TAFA5: variants seen among roughly 807,000 people sequenced by gnomAD.
TAFA5 encodes the protein TAFA chemokine like family member 5.
A neutral mutation model predicts 15.3 loss-of-function variants in TAFA5; 6 were observed. That is an observed-to-expected ratio of 0.39 (90% CI 0.21 to 0.77). TAFA5 has a LOEUF of 0.77. TAFA5 is among the 30% of genes least tolerant of loss of function. The probability of loss-of-function intolerance (pLI) is 0.41; values close to 1 mark genes in which losing one functional copy is unlikely to be tolerated. For missense variants in TAFA5, 161 were observed against 193.1 expected (o/e 0.83, Z 0.98); for synonymous variants, 103 against 80.7 (o/e 1.28, Z -1.48).
chr22:48,632,126 A>G (rs749788262), intron 1 of TAFA5, among the ~76,000 whole-genome samples: 4 of 152,086 alleles, frequency 2.6e-5, no homozygotes, highest in Admixed American at 6.5e-5. Flanking sequence ...GGGAGTTGGG[A>G]GCGGCTGGGG....
intron 1 of TAFA5, among the ~76,000 whole-genome samples, chr22:48,512,268 G>A (rs566299523): frequency 6.6e-6 from 1 of 152,324 alleles, no homozygotes; most frequent in African/African-American, 2.4e-5. Context: ...AGTGCAGAAA[G>A]GAAAGGATCA....
chr22:48,663,818 G>A (rs1013259897), intron 2 of TAFA5, among the ~76,000 whole-genome samples: 2 of 152,144 alleles, frequency 1.3e-5, no homozygotes, highest in African/African-American at 4.8e-5. Flanking sequence ...ACGGACTGTC[G>A]TGGCATCATA....
chr22:48,738,720 T>G (rs1770967896), intron 3 of TAFA5, among the ~76,000 whole-genome samples: 1 of 152,240 alleles, frequency 6.6e-6, no homozygotes, highest in South Asian at 2.1e-4. Context: ...GCAGGGTGTG[T>G]TAGTTTCCAT....
intron 3 of TAFA5, among the ~76,000 whole-genome samples, chr22:48,732,770 G>A (rs1929904883): frequency 1.3e-5 from 2 of 152,186 alleles, no homozygotes; most frequent in South Asian, 4.1e-4. Context: ...TGAAAGGAGA[G>A]TCAATCGATA....
intron 2 of TAFA5, among the ~76,000 whole-genome samples, chr22:48,687,915 A>C (rs1457083008): frequency 6.6e-6 from 1 of 152,148 alleles, no homozygotes; most frequent in Non-Finnish European, 1.5e-5. Flanking sequence ...TTGGACATTA[A>C]AATTAAAAAC....
chr22:48,599,478 CT>C (rs750578895), intron 1 of TAFA5, among the ~76,000 whole-genome samples: 4 of 152,228 alleles, frequency 2.6e-5, no homozygotes, highest in Non-Finnish European at 5.9e-5. Context: ...GGCAGGTGGG[CT>C]TGAGGCTCCT....
In TAFA5 at chr22:48,744,106, C is replaced by A. The variant is rs1441720660; in HGVS notation, c.391-5733C>A. ...CCTGAACCCTGCACTTGTGCAGCCC[C>A]ACGGCACGGGGGTGGCCTCGTTCCC... On this transcript the variant is annotated intron_variant, in intron 3 of 3. Coordinates refer to ENST00000402357, the MANE Select transcript of TAFA5 (RefSeq NM_001082967.3). Among the ~76,000 whole-genome samples the A allele has an allele frequency of 3.9e-5, 6 of 152,338 alleles. 1 individual carries two copies. Among genetic ancestry groups the A allele is most frequent in the Admixed American group, 3.3e-4 (5 of 15,306 alleles).
At chr22:48,586,411 T>G (rs566332149) in intron 1 of TAFA5, among the ~76,000 whole-genome samples, 1 of 152,340 alleles carries the variant, frequency 6.6e-6, no homozygotes, top group South Asian at 2.1e-4. Flanking sequence ...ACCAGGCTAG[T>G]GGCTGGGCTT....
intron 3 of TAFA5, among the ~76,000 whole-genome samples, chr22:48,743,101 C>T (rs1930228165): frequency 6.6e-6 from 1 of 152,212 alleles, no homozygotes; most frequent in Non-Finnish European, 1.5e-5. Context: ...GGCTTCAAAC[C>T]ATGAAACCCG....
intron 2 of TAFA5, among the ~76,000 whole-genome samples, chr22:48,706,258 C>T (rs1055802236): frequency 1.3e-5 from 2 of 152,264 alleles, no homozygotes; most frequent in Non-Finnish European, 2.9e-5. Context: ...GAAGGGGCTT[C>T]ATGCGTGCAT....
At chr22:48,677,002 C>T (rs743057) in intron 2 of TAFA5, among the ~76,000 whole-genome samples, 24,095 of 152,214 alleles carry the variant, frequency 0.16, 2,261 homozygotes, top group East Asian at 0.28. Flanking sequence ...CTGCAGAAGA[C>T]TCTGCTCTCT....
intron 3 of TAFA5, among the ~76,000 whole-genome samples, chr22:48,723,137 G>T (rs1929619387): frequency 6.6e-6 from 1 of 152,118 alleles, no homozygotes; most frequent in African/African-American, 2.4e-5. Context: ...TGGCTGGTGT[G>T]TCCAGATGTG....
chr22:48,590,103 G>A (rs1490359028), intron 1 of TAFA5, among the ~76,000 whole-genome samples: 1 of 152,114 alleles, frequency 6.6e-6, no homozygotes, highest in Non-Finnish European at 1.5e-5. Flanking sequence ...TTGTCTCAAG[G>A]AGGACCTGGA....
chr22:48,585,876 A>T (rs1162102029), intron 1 of TAFA5, among the ~76,000 whole-genome samples: 1 of 152,100 alleles, frequency 6.6e-6, no homozygotes, highest in African/African-American at 2.4e-5. Flanking sequence ...CATACACCAC[A>T]TGCATGTTAT....
At chr22:48,496,741 G>A (rs1928339217) in intron 1 of TAFA5, among the ~76,000 whole-genome samples, 1 of 152,198 alleles carries the variant, frequency 6.6e-6, no homozygotes, top group Non-Finnish European at 1.5e-5. Context: ...GTGAAGGGCA[G>A]GCGGGGTGGT....
At chr22:48,500,503 G>A (rs377624112) in intron 1 of TAFA5, among the ~76,000 whole-genome samples, 4 of 152,234 alleles carry the variant, frequency 2.6e-5, no homozygotes, top group Admixed American at 1.3e-4. Flanking sequence ...CACACAGTGC[G>A]TGCCGGCCTC....
In TAFA5 at chr22:48,667,803, C is replaced by T. The variant is rs1328353242; in HGVS notation, c.262+21057C>T. On this transcript the variant is annotated intron_variant, in intron 2 of 3. Coordinates refer to ENST00000402357, the MANE Select transcript of TAFA5 (RefSeq NM_001082967.3). ...AATCCCCCAGCACTCAGGACCGCGTCTTCACCGGGAGCGTTAATCCCCCAG... is the reference window on the plus strand; with the variant it reads ...AATCCCCCAGCACTCAGGACCGCGTTTTCACCGGGAGCGTTAATCCCCCAG... Among the ~76,000 whole-genome samples, 198 of 74,890 alleles carry T rather than the reference C, an allele frequency of 2.6e-3. 12 individuals carry two copies. In the East Asian group the frequency reaches 0.032, roughly 12 times the overall value. 49.1% of individuals were successfully genotyped at this position (74,890 alleles called of 152,430 possible). A position where few individuals can be genotyped will look rare whatever the true frequency, so the allele number is the denominator to read the frequency against.
At chr22:48,603,070 G>T (rs1347856564) in intron 1 of TAFA5, among the ~76,000 whole-genome samples, 2 of 152,206 alleles carry the variant, frequency 1.3e-5, no homozygotes, top group Non-Finnish European at 2.9e-5. Context: ...CTTGGAGAAA[G>T]CTACACAGCC....
chr22:48,650,647 G>A lies in TAFA5; in HGVS notation c.262+3901G>A, dbSNP rs977333879. Among the ~76,000 whole-genome samples the A allele has an allele frequency of 1.8e-4, 27 of 152,292 alleles. 2 individuals are homozygous for A. Among genetic ancestry groups the A allele is most frequent in the Admixed American group, 1.3e-3 (20 of 15,292 alleles). ...TTGTCTCTGAGCTAAAGCATTTCTG[G>A]GTGAACCATGTCCCTGCCTGTACAG... On this transcript the variant is annotated intron_variant, in intron 2 of 3. Coordinates refer to ENST00000402357, the MANE Select transcript of TAFA5 (RefSeq NM_001082967.3).
Sources: allele counts gnomAD v4.1 joint callset (sites outside exome capture counted in the v4.1 genomes callset), GRCh38; gene constraint gnomAD v4.1.1; transcripts MANE v1.5; gene names NCBI Gene and HGNC (gene_info 2026-07-23, HGNC 2026-07-21).